TRRAP: variants seen among roughly 807,000 people sequenced by gnomAD.
TRRAP encodes transformation/transcription domain associated protein, also known as transformation/transcription domain-associated protein.
A neutral mutation model predicts 438.8 loss-of-function variants in TRRAP; 41 were observed. The ratio of observed to expected loss-of-function variants is 0.09; its 90% CI spans 0.07 to 0.12. The LOEUF is 0.12. Ranked by LOEUF, TRRAP falls within the 10% of genes least tolerant of loss-of-function variation. The pLI is 1.00. For missense variants in TRRAP, 3,122 were observed against 5,055.1 expected (o/e 0.62, Z 11.60); for synonymous variants, 1,994 against 1,962.9 (o/e 1.02, Z -0.42).
At chr7:98,977,117 A>G (rs745665511) in intron 56 of TRRAP, 41 bp downstream of exon 56, 2 of 1,611,222 alleles carry the variant, frequency 1.2e-6, no homozygotes, top group South Asian at 2.2e-5. Flanking sequence ...GTGTAATGAG[A>G]GGTCATTTAT....
In TRRAP at chr7:98,984,347, G is replaced by C; in HGVS notation, c.9277G>C (p.Glu3093Gln). The C allele has an allele frequency of 6.3e-7, 1 of 1,585,558 alleles. No individual in the cohort carries two copies. Among genetic ancestry groups the C allele is most frequent in the Non-Finnish European group, 8.6e-7 (1 of 1,164,522 alleles). The change falls in exon 61 of 73, where the codon GAG (glutamate) becomes CAG (glutamine). Residue 3093 changes from glutamate (E) to glutamine (Q), a missense_variant. Glu to Gln is a conservative substitution (Grantham distance 29, BLOSUM62 2). This residue lies in a region of TRRAP where 129 missense variants were observed against 279.2 expected (regional missense o/e 0.46). Coordinates refer to ENST00000456197, the MANE Select transcript of TRRAP (RefSeq NM_001375524.1). ...LQLAGVMGKN[E>Q]CMQGLEVIES... Reference sequence around the variant, plus strand: ...GCTGGCAGGCGTCATGGGCAAAAACGAGTGCATGCAGGTGCGGACAGGACA... The same window carrying C: ...GCTGGCAGGCGTCATGGGCAAAAACCAGTGCATGCAGGTGCGGACAGGACA...
chr7:98,945,989 C>G, intron 33 of TRRAP, 39 bp downstream of exon 33: 1 of 1,405,842 alleles, frequency 7.1e-7, no homozygotes, highest in Non-Finnish European at 9.3e-7. Flanking sequence ...GGGTTGTTGT[C>G]GTTGCTGGTT....
chr7:98,952,234 A>G (rs1430259940), intron 39 of TRRAP, among the ~76,000 whole-genome samples: 1 of 152,250 alleles, frequency 6.6e-6, no homozygotes, highest in Non-Finnish European at 1.5e-5. Context: ...TCCTCAAAGA[A>G]GGCACATTTT....
rs1449040927 is a variant in TRRAP, at chr7:98,976,340, A to G, written c.7959+72A>G. 12 of 1,587,126 alleles carry G rather than the reference A, an allele frequency of 7.6e-6. No individual in the cohort carries two copies. The East Asian group carries it at 2.5e-4, about 33-fold the overall frequency. ...TTTTGGTAAGTATTCATAAAAGAAC[A>G]CAGTCTCGAACAAGTTTCAGAAAAT... On this transcript the variant is annotated intron_variant, in intron 54 of 72. Coordinates refer to ENST00000456197, the MANE Select transcript of TRRAP (RefSeq NM_001375524.1). The surrounding 1 kb of genome is among the most constrained non-coding windows in gnomAD (Gnocchi z 4.6).
intron 29 of TRRAP, 78 bp from the exon 30 acceptor site, chr7:98,937,572 A>C (rs1203676833): frequency 7.1e-7 from 1 of 1,416,204 alleles, no homozygotes; most frequent in Non-Finnish European, 9.4e-7. Flanking sequence ...CTTGCAGCTA[A>C]GGTTGAAGAT....
chr7:98,897,702 T>C (rs981830289), intron 7 of TRRAP, 39 bp from the exon 8 acceptor site: 6 of 1,581,130 alleles, frequency 3.8e-6, no homozygotes, highest in Admixed American at 1.8e-5. Context: ...AATATTGGGT[T>C]TGACTTTAGG....
In TRRAP at chr7:98,976,910, C is replaced by G; in HGVS notation, c.8248-29C>G. 6.2e-7 allele frequency: 1 copy of G among 1,612,648 alleles called. No homozygotes were observed. The highest frequency in any genetic ancestry group is 8.5e-7 in the Non-Finnish European group (1 of 1,179,230). On this transcript the variant is annotated intron_variant, in intron 55 of 72. Transcript: ENST00000456197. The surrounding 1 kb of genome is among the most constrained non-coding windows in gnomAD (Gnocchi z 4.6). Reference sequence around the variant, plus strand: ...GGGGAAAAAAAGTCTCTGTCTCAAGCACTCAGGAACCTTACTTTGTGTTTT... The same window carrying G: ...GGGGAAAAAAAGTCTCTGTCTCAAGGACTCAGGAACCTTACTTTGTGTTTT...
intron 18 of TRRAP, among the ~76,000 whole-genome samples, chr7:98,912,817 T>A (rs1434745050): frequency 2.0e-5 from 3 of 152,020 alleles, no homozygotes; most frequent in Non-Finnish European, 2.9e-5. Context: ...GCCAATACAA[T>A]GGTACCAGCT....
chr7:98,944,355 T>C (rs1413498669), intron 31 of TRRAP, among the ~76,000 whole-genome samples: 1 of 152,140 alleles, frequency 6.6e-6, no homozygotes, highest in Non-Finnish European at 1.5e-5. Context: ...TAATGTAGCC[T>C]AGTAAAAAAA....
chr7:98,907,184 G>A (rs782124818), intron 13 of TRRAP, among the ~76,000 whole-genome samples: 15 of 152,166 alleles, frequency 9.9e-5, no homozygotes, highest in South Asian at 2.1e-4. Flanking sequence ...TTAGCCAGGC[G>A]TGGTGGCGCG....
intron 18 of TRRAP, 131 bp from the exon 19 acceptor site, chr7:98,915,592 T>A: frequency 8.7e-7 from 1 of 1,153,594 alleles, no homozygotes; most frequent in Non-Finnish European, 1.2e-6. Flanking sequence ...CTTGTTTGGT[T>A]TTTTCCCTTT....
chr7:98,955,336 C>G (rs782004668), intron 41 of TRRAP, 32 bp downstream of exon 41: 2 of 1,574,942 alleles, frequency 1.3e-6, no homozygotes. Context: ...CTGCGGGGCG[C>G]GCGTCTTCAG....
chr7:98,912,008 T>A lies in TRRAP; in HGVS notation c.2008-14T>A, dbSNP rs200584884. On this transcript the variant is annotated splice_polypyrimidine_tract_variant and intron_variant, in intron 17 of 72. Transcript: ENST00000456197. The stretch of plus-strand genomic sequence containing the variant: ...AAGGGATTAATTTTTCACATGTGTT[T>A]CTTGTATTGACAGATTGTTGCCAAT... The A allele has an allele frequency of 2.7e-5, 44 of 1,605,902 alleles. No homozygotes were observed. The highest frequency in any genetic ancestry group is 1.1e-4 in the South Asian group (10 of 89,840).
At chr7:98,896,628 C>G (rs1480961828) in intron 7 of TRRAP, among the ~76,000 whole-genome samples, 1 of 152,124 alleles carries the variant, frequency 6.6e-6, no homozygotes, top group Non-Finnish European at 1.5e-5. Context: ...AGGTGATCCA[C>G]CCACCTCAGC....
At position 98,910,217 on chromosome 7, in the gene TRRAP, T is replaced by TTCCCCCCC; in HGVS notation, c.1512_1513insTCCCCCCC (p.Ala505SerfsTer18). On this transcript the variant is annotated frameshift_variant, in exon 15 of 73. Transcript: ENST00000456197. LOFTEE classifies it high-confidence loss of function. ...CTGCTCCCTCCCCAGCCCCTGTCCC[T>TTCCCCCCC]GCCCCACCTCCACCCCCGCCCCCAC... The TTCCCCCCC allele has an allele frequency of 9.6e-7, 1 of 1,045,584 alleles. No homozygotes were observed. Among genetic ancestry groups the TTCCCCCCC allele is most frequent in the Non-Finnish European group, 1.2e-6 (1 of 806,028 alleles). 64.8% of individuals were successfully genotyped at this position (1,045,584 alleles called of 1,614,324 possible). A position where few individuals can be genotyped will look rare whatever the true frequency, so the allele number is the denominator to read the frequency against.
chr7:98,995,589 CA>C (rs1234939639), intron 67 of TRRAP, among the ~76,000 whole-genome samples: 1 of 151,884 alleles, frequency 6.6e-6, no homozygotes, highest in Non-Finnish European at 1.5e-5. Context: ...GAAAGGAGTC[CA>C]ATTTCCTTCA....
chr7:98,970,346 C>T (rs1030234136), intron 52 of TRRAP, 55 bp downstream of exon 52: 2 of 1,580,906 alleles, frequency 1.3e-6, no homozygotes, highest in East Asian at 2.2e-5. Context: ...GGCCCCACAC[C>T]CCACGGGCAG....
chr7:98,915,864 C>T lies in TRRAP; in HGVS notation c.2341C>T (p.Pro781Ser). ...SHDLLYQEFL[P>S]LLPNLLQGLN... ...CGATCTCTTGTATCAGGAGTTCTTG[C>T]CTCTCCTTCCAAACCTCCTGCAAGG... The change falls in exon 19 of 73, where the codon CCT (proline) becomes TCT (serine). Residue 781 changes from proline to serine, a missense_variant. By Grantham distance (74) the Pro-to-Ser change is moderately conservative. Around this residue, in one of 24 missense-constraint regions of TRRAP, gnomAD observed 149 missense variants for 302.8 expected, o/e 0.49. Coordinates refer to ENST00000456197, the MANE Select transcript of TRRAP (RefSeq NM_001375524.1). 1.2e-6 allele frequency: 2 copies of T among 1,614,164 alleles called. No homozygotes were observed. The highest frequency in any genetic ancestry group is 1.7e-6 in the Non-Finnish European group (2 of 1,180,014).
chr7:98,937,438 C>A (rs1790608414), intron 29 of TRRAP, among the ~76,000 whole-genome samples, 161 bp downstream of exon 29: 1 of 152,186 alleles, frequency 6.6e-6, no homozygotes, highest in Admixed American at 6.5e-5. Context: ...AAGAATATAC[C>A]TGTTTCATAG....
Sources: allele counts gnomAD v4.1 joint callset (sites outside exome capture counted in the v4.1 genomes callset), GRCh38; gene constraint gnomAD v4.1.1; regional missense constraint gnomAD v4.1.1; non-coding constraint Gnocchi (gnomAD v3.1); transcripts MANE v1.5; gene names NCBI Gene and HGNC (gene_info 2026-07-23, HGNC 2026-07-21).